The following TTC21B variants were observed in gnomAD, a reference collection of about 807,000 sequenced individuals.
The protein encoded by TTC21B is tetratricopeptide repeat protein 21B.
Under a neutral mutation model 175.1 loss-of-function variants are expected in TTC21B, and 127 were observed. The observed-to-expected ratio is 0.73, with a 90% CI of 0.63 to 0.84. The LOEUF is 0.84. TTC21B is among the 40% of genes least tolerant of loss of function. The pLI is 0.00. For missense variants in TTC21B, 1,561 were observed against 1,558.3 expected, an observed-to-expected ratio of 1.00 and a Z score of -0.03; for synonymous variants, 524 against 524.5, an observed-to-expected ratio of 1.00 and a Z score of 0.01.
At chr2:165,922,196 A>T (rs777738125) in intron 12 of TTC21B, among the ~76,000 whole-genome samples, 1 of 152,200 alleles carries the variant, frequency 6.6e-6, no homozygotes, top group South Asian at 2.1e-4. Flanking sequence ...CCTTCCAATT[A>T]GGAGAAAAGC....
intron 22 of TTC21B, 93 bp from the exon 23 acceptor site, chr2:165,891,081 A>G (rs1432813510): frequency 9.1e-7 from 1 of 1,103,426 alleles, no homozygotes; most frequent in Non-Finnish European, 1.3e-6. Flanking sequence ...AATTTACTTC[A>G]TATAAAGTAC....
intron 15 of TTC21B, among the ~76,000 whole-genome samples, chr2:165,914,682 T>TGTGTGTGTGTGTGTGTGCGCGCGCGCGC (rs1158957654): frequency 4.1e-4 from 61 of 149,842 alleles, no homozygotes; most frequent in African/African-American, 1.5e-3. Flanking sequence ...TGTGTGTGTG[T>TGTGTGTGTGTGTGTGTGCGCGCGCGCGC]GTGTGTGTGT....
chr2:165,952,012 T>C (rs1687776231), intron 1 of TTC21B, among the ~76,000 whole-genome samples: 1 of 152,170 alleles, frequency 6.6e-6, no homozygotes, highest in African/African-American at 2.4e-5. Context: ...CTCTTCCTAT[T>C]TCCTTTTCAT....
Position 165,874,657 on chromosome 2 carries a change from TAAC to T in TTC21B, c.*95_*97del. On this transcript the variant is annotated 3_prime_UTR_variant, in exon 29 of 29. Transcript: ENST00000243344. ...TGGAGAAAAAAGGGTATACTTCTAATAACAAAGCACTGAGCTCAAACCTGTTTT... is the reference window on the plus strand; with the variant it reads ...TGGAGAAAAAAGGGTATACTTCTAATAAAGCACTGAGCTCAAACCTGTTTT... 1 of 1,084,034 alleles carries T rather than the reference TAAC, an allele frequency of 9.2e-7. No homozygotes were observed. Among genetic ancestry groups the T allele is most frequent in the Non-Finnish European group, 1.4e-6 (1 of 708,136 alleles). The allele number at this position is 1,084,034 out of a possible 1,614,324, so 67.2% of individuals were successfully genotyped here.
rs1408652171 is a variant in TTC21B, at chr2:165,911,465, C to T, written c.2323G>A (p.Ala775Thr). The change falls in exon 18 of 29, where the codon GCA becomes ACA. Residue 775 changes from alanine to threonine, a missense_variant and splice_region_variant. Physicochemically the swap from Ala to Thr is moderately conservative, Grantham distance 58. Transcript: ENST00000243344. ...AGAGCAGCTTCATAGTAAGTGATTG[C>T]CTAAACAAAATTCATTCCATTTAAG... is the stretch of plus-strand genomic sequence containing the variant. ...ALIKTHNYSM[A>T]ITYYEAALKT... 1.2e-6 allele frequency: 2 copies of T among 1,613,386 alleles called. No individual in the cohort carries two copies. Among genetic ancestry groups the T allele is most frequent in the Admixed American group, 1.7e-5 (1 of 59,958 alleles).
chr2:165,911,535 C>G (rs1048394455), intron 17 of TTC21B, 70 bp from the exon 18 acceptor site: 9 of 1,567,424 alleles, frequency 5.7e-6, no homozygotes, highest in Non-Finnish European at 7.9e-6. Flanking sequence ...CTATTTAATA[C>G]ATTACAGACT....
chr2:165,908,467 G>A (rs969038731), intron 18 of TTC21B, among the ~76,000 whole-genome samples: 2 of 152,146 alleles, frequency 1.3e-5, no homozygotes, highest in South Asian at 4.1e-4. Context: ...AATGCCAAAT[G>A]TTTTGTGTCT....
chr2:165,888,386 C>T lies in TTC21B; in HGVS notation c.3352G>A (p.Gly1118Ser). Residue 1118 changes from glycine to serine, a missense_variant, in exon 25 of 29, where the codon GGT becomes AGT. By Grantham distance (56) the Gly-to-Ser change is moderately conservative. Coordinates refer to ENST00000243344, the MANE Select transcript of TTC21B (RefSeq NM_024753.5). ...TCCATTATGCGAAGCTGTACGTGAC[C>T]CTGAACAGTCTGAGGTTTTAGTTCC... The part of the protein sequence containing the change: ...LKELKPQTVQ[G>S]HVQLRIMENY... 6.2e-7 allele frequency: 1 copy of T among 1,613,796 alleles called. No homozygotes were observed. The highest frequency in any genetic ancestry group is 1.3e-5 in the African/African-American group (1 of 75,014).
chr2:165,904,442 C>G (rs1226867768), intron 19 of TTC21B, among the ~76,000 whole-genome samples: 1 of 152,192 alleles, frequency 6.6e-6, no homozygotes, highest in African/African-American at 2.4e-5. Flanking sequence ...TATGCACGCA[C>G]ATGCATGCAC....
At chr2:165,905,700 A>G (rs1685702619) in intron 19 of TTC21B, among the ~76,000 whole-genome samples, 1 of 152,200 alleles carries the variant, frequency 6.6e-6, no homozygotes, top group Non-Finnish European at 1.5e-5. Context: ...AATTACACTG[A>G]AAGACTTTAA....
In TTC21B at chr2:165,874,518, C is replaced by T. The variant is rs1055226668; in HGVS notation, c.*237G>A. On this transcript the variant is annotated 3_prime_UTR_variant, in exon 29 of 29. Coordinates refer to ENST00000243344, the MANE Select transcript of TTC21B (RefSeq NM_024753.5). Reference sequence around the variant, plus strand: ...ATAATTATAGTCTTTACCACAGAGTCACCAAATCTGTACCCAATCAAAACA... The same window carrying T: ...ATAATTATAGTCTTTACCACAGAGTTACCAAATCTGTACCCAATCAAAACA... 13 of 458,564 alleles carry T rather than the reference C, an allele frequency of 2.8e-5. No individual in the cohort carries two copies. The highest frequency in any genetic ancestry group is 1.4e-4 in the African/African-American group (7 of 51,206). The allele number at this position is 458,564 out of a possible 1,614,324, so 28.4% of individuals were successfully genotyped here. A position where few individuals can be genotyped will look rare whatever the true frequency, so the allele number is the denominator to read the frequency against.
At chr2:165,876,136 T>C (rs1166783596) in intron 28 of TTC21B, 29 bp downstream of exon 28, 1 of 1,454,632 alleles carries the variant, frequency 6.9e-7, no homozygotes, top group Admixed American at 1.7e-5. Flanking sequence ...ATCTGAAAAA[T>C]TTTAAGAAAT....
intron 20 of TTC21B, among the ~76,000 whole-genome samples, chr2:165,900,892 C>A (rs1574081601): frequency 6.8e-6 from 1 of 147,508 alleles, no homozygotes; most frequent in Non-Finnish European, 1.5e-5. Context: ...TTGTAATGTT[C>A]TTTTTTCTTT....
chr2:165,917,182 T>A (rs1686206433), intron 14 of TTC21B, 75 bp downstream of exon 14: 2 of 1,430,482 alleles, frequency 1.4e-6, no homozygotes, highest in South Asian at 2.3e-5. Flanking sequence ...CCTGGGCAGC[T>A]TTTCATTTTC....
rs1260764249 is a variant in TTC21B at position 165,890,513 on chromosome 2, C to T, written c.3229G>A (p.Gly1077Ser). The part of the protein sequence containing the change: ...CLNPDNETVG[G>S]EVFENLDGDL... Reference sequence around the variant, plus strand: ...CCATCCAGGTTTTCAAATACTTCACCTCCAACAGTTTCATTATCTGGATTC... The same window carrying T: ...CCATCCAGGTTTTCAAATACTTCACTTCCAACAGTTTCATTATCTGGATTC... The change falls in exon 24 of 29, where the codon GGT (glycine) becomes AGT (serine). Residue 1077 changes from glycine (G) to serine (S), a missense_variant. Physicochemically the swap from Gly to Ser is moderately conservative, Grantham distance 56 (BLOSUM62 0). Coordinates refer to ENST00000243344, the MANE Select transcript of TTC21B (RefSeq NM_024753.5). 6.2e-7 allele frequency: 1 copy of T among 1,613,354 alleles called. No individual in the cohort carries two copies. The highest frequency in any genetic ancestry group is 2.2e-5 in the East Asian group (1 of 44,816).
At chr2:165,951,585 G>C (rs1191890581) in intron 1 of TTC21B, among the ~76,000 whole-genome samples, 1 of 152,074 alleles carries the variant, frequency 6.6e-6, no homozygotes, top group Non-Finnish European at 1.5e-5. Flanking sequence ...CCACTTAGTA[G>C]GTTCTTCTAT....
At chr2:165,921,523 T>C (rs1686404326) in intron 12 of TTC21B, among the ~76,000 whole-genome samples, 1 of 152,234 alleles carries the variant, frequency 6.6e-6, no homozygotes, top group South Asian at 2.1e-4. Context: ...TCTTGAATTC[T>C]GTGATTCATT....
chr2:165,880,462 C>T (rs1482925339), intron 27 of TTC21B, among the ~76,000 whole-genome samples: 2 of 152,198 alleles, frequency 1.3e-5, no homozygotes, highest in East Asian at 1.9e-4. Context: ...TAGATGTACA[C>T]TAAGTGACTG....
intron 26 of TTC21B, among the ~76,000 whole-genome samples, chr2:165,881,680 G>C (rs1157651981): frequency 6.6e-6 from 1 of 152,032 alleles, no homozygotes; most frequent in East Asian, 1.9e-4. Flanking sequence ...GGAGGAGAGA[G>C]GTGAATCTAC....
Sources: allele counts gnomAD v4.1 joint callset (sites outside exome capture counted in the v4.1 genomes callset), GRCh38; gene constraint gnomAD v4.1.1; transcripts MANE v1.5; gene names NCBI Gene and HGNC (gene_info 2026-07-23, HGNC 2026-07-21).